Variants in ZCCHC7 observed in about 807,000 individuals in gnomAD.
The protein encoded by ZCCHC7 is zinc finger CCHC domain-containing protein 7.
ZCCHC7 carries 35 observed loss-of-function variants against 52.0 expected under a neutral mutation model. The ratio of observed to expected loss-of-function variants is 0.67; its 90% CI spans 0.51 to 0.89. The LOEUF is 0.89. ZCCHC7 is among the 40% of genes least tolerant of loss of function. ZCCHC7 has a pLI of 0.00. For missense variants in ZCCHC7, 574 were observed against 649.1 expected, an observed-to-expected ratio of 0.88 and a Z score of 1.26; for synonymous variants, 217 against 221.5, an observed-to-expected ratio of 0.98 and a Z score of 0.18.
At chr9:37,318,053 G>C (rs1345471155) in intron 5 of ZCCHC7, among the ~76,000 whole-genome samples, 2 of 151,850 alleles carry the variant, frequency 1.3e-5, no homozygotes, top group Non-Finnish European at 2.9e-5. Flanking sequence ...TGGGCTTTCT[G>C]GAATTCAGTG....
At chr9:37,126,026 G>C (rs1390407524) in intron 1 of ZCCHC7, among the ~76,000 whole-genome samples, 1 of 152,128 alleles carries the variant, frequency 6.6e-6, no homozygotes, top group Admixed American at 6.5e-5. Flanking sequence ...TATGAAGTTT[G>C]CACGATGAAA....
chr9:37,318,667 C>G (rs1829926133), intron 5 of ZCCHC7, among the ~76,000 whole-genome samples: 1 of 151,864 alleles, frequency 6.6e-6, no homozygotes, highest in Admixed American at 6.6e-5. Context: ...AATCCCAGCA[C>G]TTTGGGAGGC....
chr9:37,330,787 G>A (rs1164536693), intron 6 of ZCCHC7, among the ~76,000 whole-genome samples: 1 of 150,840 alleles, frequency 6.6e-6, no homozygotes, highest in Non-Finnish European at 1.5e-5. Flanking sequence ...ATTCGAGAAA[G>A]AATGTCCCTT....
At chr9:37,152,778 C>G (rs1413172462) in intron 2 of ZCCHC7, among the ~76,000 whole-genome samples, 1 of 152,188 alleles carries the variant, frequency 6.6e-6, no homozygotes. Context: ...TCTGGTTTCT[C>G]TACTGTGAAG....
chr9:37,355,389 G>A (rs939935542), intron 8 of ZCCHC7, among the ~76,000 whole-genome samples: 7 of 152,050 alleles, frequency 4.6e-5, no homozygotes, highest in African/African-American at 1.7e-4. Flanking sequence ...ACTTCAAGGT[G>A]GTTTTCCAAG....
chr9:37,302,683 C>T (rs560592021), intron 3 of ZCCHC7, among the ~76,000 whole-genome samples: 2 of 152,324 alleles, frequency 1.3e-5, no homozygotes, highest in South Asian at 4.1e-4. Context: ...TCCACTTGGC[C>T]AGTTCAGCAA....
intron 2 of ZCCHC7, among the ~76,000 whole-genome samples, chr9:37,164,450 TA>T (rs1821295121): frequency 1.4e-4 from 6 of 44,100 alleles, no homozygotes; most frequent in African/African-American, 5.6e-4. Context: ...CTTAGATAGA[TA>T]GATAGATAGA....
At chr9:37,209,681 A>G (rs930674933) in intron 2 of ZCCHC7, among the ~76,000 whole-genome samples, 3 of 152,172 alleles carry the variant, frequency 2.0e-5, no homozygotes, top group African/African-American at 7.2e-5. Flanking sequence ...GTACTCAAAT[A>G]CTTCTTGAAT....
intron 2 of ZCCHC7, among the ~76,000 whole-genome samples, chr9:37,148,350 G>T (rs1373266412): frequency 6.6e-6 from 1 of 152,094 alleles, no homozygotes; most frequent in Non-Finnish European, 1.5e-5. Flanking sequence ...GAGTCATGGG[G>T]TGCAGGAGAG....
rs544328653 is a variant in ZCCHC7 at position 37,186,291 on chromosome 9, C to T, written c.610+59349C>T. Among the ~76,000 whole-genome samples the T allele has an allele frequency of 6.5e-4, 99 of 152,184 alleles. No homozygotes were observed. The South Asian group carries it at 0.016, about 24-fold the overall frequency. ...ATCTTGAAATTTGGGGCAAGAGAAA[C>T]GTAAGAGGTTAATCCACTTCTAAGG... On this transcript the variant is annotated intron_variant, in intron 2 of 8. Transcript: ENST00000336755.
intron 2 of ZCCHC7, among the ~76,000 whole-genome samples, chr9:37,170,687 CAT>C (rs1256512708): frequency 1.3e-4 from 20 of 152,168 alleles, no homozygotes; most frequent in Non-Finnish European, 2.1e-4. Context: ...CTCATTGACA[CAT>C]ATTTCTATTC....
intron 4 of ZCCHC7, 38 bp downstream of exon 4, chr9:37,304,351 A>G (rs894585369): frequency 9.3e-6 from 15 of 1,605,406 alleles, no homozygotes; most frequent in Admixed American, 5.0e-5. Context: ...CACATTTGTA[A>G]ACTCAAAATC....
At chr9:37,349,209 T>C (rs530087601) in intron 6 of ZCCHC7, 148 bp from the exon 7 acceptor site, 9 of 642,334 alleles carry the variant, frequency 1.4e-5, no homozygotes, top group Admixed American at 3.0e-5. Flanking sequence ...TTATATACTT[T>C]AATATATGGA....
chr9:37,125,027 T>C (rs971939312), intron 1 of ZCCHC7, among the ~76,000 whole-genome samples: 7 of 152,190 alleles, frequency 4.6e-5, no homozygotes, highest in Admixed American at 3.3e-4. Context: ...GATTTCTTTA[T>C]TTTTAGCAGA....
intron 2 of ZCCHC7, chr9:37,187,124 A>T (rs1391742607): frequency 6.5e-6 from 1 of 153,916 alleles, no homozygotes; most frequent in African/African-American, 2.4e-5. Flanking sequence ...TTAAGCCATT[A>T]TTACTTCCTT....
chr9:37,251,470 C>T (rs1462250611), intron 2 of ZCCHC7, among the ~76,000 whole-genome samples: 1 of 152,146 alleles, frequency 6.6e-6, no homozygotes, highest in Non-Finnish European at 1.5e-5. Context: ...TCCCCTCCCC[C>T]AAAACTTGCT....
At chr9:37,253,883 G>T (rs1281125922) in intron 2 of ZCCHC7, among the ~76,000 whole-genome samples, 1 of 151,858 alleles carries the variant, frequency 6.6e-6, no homozygotes, top group Admixed American at 6.6e-5. Context: ...TATATTTTAA[G>T]TATATAAATT....
intron 2 of ZCCHC7, among the ~76,000 whole-genome samples, chr9:37,235,714 C>T (rs1302918182): frequency 6.6e-6 from 1 of 151,684 alleles, no homozygotes; most frequent in Non-Finnish European, 1.5e-5. Flanking sequence ...CTCAGCCTCC[C>T]GAGCAGCTGG....
intron 6 of ZCCHC7, among the ~76,000 whole-genome samples, chr9:37,331,448 C>G (rs1175237942): frequency 6.6e-6 from 1 of 151,516 alleles, no homozygotes; most frequent in Non-Finnish European, 1.5e-5. Flanking sequence ...GAATGTTATT[C>G]TCTAAAGCAT....
Sources: allele counts gnomAD v4.1 joint callset (sites outside exome capture counted in the v4.1 genomes callset), GRCh38; gene constraint gnomAD v4.1.1; transcripts MANE v1.5; gene names NCBI Gene and HGNC (gene_info 2026-07-23, HGNC 2026-07-21).